Variants in SFMBT2 observed in about 807,000 individuals in gnomAD.
The protein encoded by SFMBT2 is scm-like with four MBT domains protein 2.
Under a neutral mutation model 110.1 loss-of-function variants are expected in SFMBT2, and 38 were observed. The observed-to-expected ratio is 0.35, with a 90% CI of 0.27 to 0.45. SFMBT2 has a LOEUF of 0.45. Ranked by LOEUF, SFMBT2 falls within the 20% of genes least tolerant of loss-of-function variation. The probability of loss-of-function intolerance (pLI) is 1.00; values close to 1 mark genes in which losing one functional copy is unlikely to be tolerated. For synonymous variants in SFMBT2, 425 were observed against 425.4 expected (o/e 1.00, Z 0.01); for missense variants, 1,011 against 1,094.9 (o/e 0.92, Z 1.08).
At chr10:7,383,981 C>T (rs1489562675) in intron 1 of SFMBT2, among the ~76,000 whole-genome samples, 3 of 152,102 alleles carry the variant, frequency 2.0e-5, no homozygotes, top group African/African-American at 7.2e-5. Context: ...GAGGCTGAGG[C>T]AAGCAGATCA....
In SFMBT2 at chr10:7,282,221, T is replaced by A. The variant is rs550907315; in HGVS notation, c.772+1683A>T. Among the ~76,000 whole-genome samples, 8 of 152,266 alleles carry A rather than the reference T, an allele frequency of 5.3e-5. No homozygotes were observed. In the South Asian group the frequency reaches 1.7e-3, roughly 32 times the overall value. On this transcript the variant is annotated intron_variant, in intron 6 of 20. Coordinates refer to ENST00000397167, the MANE Select transcript of SFMBT2 (RefSeq NM_001387889.1). ...CATATATTATAAAGACCCCAAATTA[T>A]CTAAAGAGGGAGACAGCTCATAAGC...
At chr10:7,205,240 C>T (rs1348083752) in intron 12 of SFMBT2, 6 of 239,106 alleles carry the variant, frequency 2.5e-5, no homozygotes. Flanking sequence ...CTCTGCTTGA[C>T]TAATTTACTT....
chr10:7,384,167 C>A (rs558500326), intron 1 of SFMBT2, among the ~76,000 whole-genome samples: 1 of 136,274 alleles, frequency 7.3e-6, no homozygotes, highest in Non-Finnish European at 1.5e-5. Context: ...GCTGAGATCG[C>A]GCCATTGCTC....
intron 4 of SFMBT2, among the ~76,000 whole-genome samples, chr10:7,303,918 T>C (rs935991082): frequency 2.6e-5 from 4 of 152,222 alleles, no homozygotes; most frequent in African/African-American, 9.7e-5. Flanking sequence ...GATTATTTCA[T>C]TGTTCTTTCC....
chr10:7,194,992 C>T (rs565381214), intron 15 of SFMBT2, among the ~76,000 whole-genome samples: 43 of 152,344 alleles, frequency 2.8e-4, no homozygotes, highest in African/African-American at 1.0e-3. Context: ...AACAACGGAA[C>T]ACGTCACGTG....
chr10:7,376,463 G>T (rs1216235998), intron 2 of SFMBT2, among the ~76,000 whole-genome samples: 1 of 151,954 alleles, frequency 6.6e-6, no homozygotes, highest in African/African-American at 2.4e-5. Context: ...ACTTTGGGAG[G>T]CTGAGGTGGG....
Position 7,176,125 on chromosome 10 carries a change from G to A in SFMBT2, c.1849C>T (p.Arg617Trp), listed in dbSNP as rs748945625. The A allele has an allele frequency of 5.0e-6, 8 of 1,614,058 alleles. No homozygotes were observed. The highest frequency in any genetic ancestry group is 2.2e-5 in the East Asian group (1 of 44,902). Residue 617 changes from arginine to tryptophan, a missense_variant, in exon 17 of 21, where the codon CGG (arginine) becomes TGG (tryptophan). Arg to Trp is a moderately radical substitution (Grantham distance 101, BLOSUM62 -3). This residue lies in a region of SFMBT2 where 979 missense variants were observed against 1,016.1 expected (regional missense o/e 0.96). Transcript: ENST00000397167. The stretch of plus-strand genomic sequence containing the variant: ...AAATTTGCGACTTGGTCAGATGTCC[G>A]TACGATTTTGACCACAGCCCTGTAT... ...KTYRAVVKIV[R>W]TSDQVANFCR... is the part of the protein sequence containing the mutation.
intron 15 of SFMBT2, 112 bp from the exon 16 acceptor site, chr10:7,188,845 C>T (rs1838506098): frequency 3.7e-6 from 3 of 813,082 alleles, no homozygotes; most frequent in East Asian, 5.3e-5. Flanking sequence ...GCCACTACAC[C>T]CACATGAAGT....
rs367948121 is a variant in SFMBT2, at chr10:7,384,905, A to G, written c.-51-2956T>C. Among the ~76,000 whole-genome samples the G allele has an allele frequency of 1.5e-4, 23 of 152,318 alleles. No homozygotes were observed. The South Asian group carries it at 2.7e-3, about 18-fold the overall frequency. On this transcript the variant is annotated intron_variant, in intron 1 of 20. Transcript: ENST00000397167. The stretch of plus-strand genomic sequence containing the variant: ...GCGGCCACAGAACTAAACATCACCT[A>G]ACACCGAACTGACCTGCTCACACCT...
At chr10:7,245,132 G>A (rs1248684985) in intron 8 of SFMBT2, among the ~76,000 whole-genome samples, 1 of 151,924 alleles carries the variant, frequency 6.6e-6, no homozygotes, top group South Asian at 2.1e-4. Context: ...GCTACCGGGG[G>A]GCACAGTCCC....
rs922907071 is a variant in SFMBT2, at chr10:7,204,514, G to A, written c.1444+1301C>T. ...TATGCATTAGGGTAGAATAATAAACGCAATGATTTATTAGGTTAGAAGATT... is the reference window on the plus strand; with the variant it reads ...TATGCATTAGGGTAGAATAATAAACACAATGATTTATTAGGTTAGAAGATT... On this transcript the variant is annotated intron_variant, in intron 12 of 20. Transcript: ENST00000397167. 76 of 865,144 alleles carry A rather than the reference G, an allele frequency of 8.8e-5. No homozygotes were observed. In the African/African-American group the frequency reaches 1.4e-3, roughly 16 times the overall value. 53.6% of individuals were successfully genotyped at this position (865,144 alleles called of 1,614,324 possible).
rs1018558470 is a variant in SFMBT2 at position 7,293,658 on chromosome 10, C to T, written c.437-7704G>A. 6.6e-6 allele frequency among the ~76,000 whole-genome samples: 1 copy of T among 152,192 alleles called. No homozygotes were observed. The highest frequency in any genetic ancestry group is 2.4e-5 in the African/African-American group (1 of 41,450). On this transcript the variant is annotated intron_variant, in intron 4 of 20. Transcript: ENST00000397167. This position sits in a 1 kb window ranked among gnomAD's most constrained non-coding sequence, Gnocchi z 4.6. ...ACTGCATAATAAAGAGACCCAAAAA[C>T]ACAGCCACAGAGGTGCAAGCACAGT...
intron 4 of SFMBT2, among the ~76,000 whole-genome samples, chr10:7,328,180 T>C (rs1423564840): frequency 1.3e-5 from 2 of 152,234 alleles, no homozygotes; most frequent in Non-Finnish European, 2.9e-5. Context: ...AGGTGTGTAG[T>C]AATATTGACT....
intron 7 of SFMBT2, among the ~76,000 whole-genome samples, chr10:7,260,457 T>G (rs549054189): frequency 6.6e-6 from 1 of 152,174 alleles, no homozygotes; most frequent in South Asian, 2.1e-4. Context: ...AGCTCCTCCC[T>G]TGTGGGCTCA....
At chr10:7,313,458 C>T (rs1176879976) in intron 4 of SFMBT2, among the ~76,000 whole-genome samples, 4 of 152,138 alleles carry the variant, frequency 2.6e-5, no homozygotes, top group Non-Finnish European at 5.9e-5. Context: ...GCTGGGAGTA[C>T]AGGTGAATGC....
At chr10:7,336,064 T>C (rs1843711266) in intron 4 of SFMBT2, among the ~76,000 whole-genome samples, 1 of 152,246 alleles carries the variant, frequency 6.6e-6, no homozygotes, top group South Asian at 2.1e-4. Flanking sequence ...GTACTTAATA[T>C]TTCCACCCAT....
At chr10:7,184,960 T>G (rs1319267409) in intron 16 of SFMBT2, among the ~76,000 whole-genome samples, 1 of 152,206 alleles carries the variant, frequency 6.6e-6, no homozygotes, top group African/African-American at 2.4e-5. Flanking sequence ...TTTCACTTCA[T>G]TGGTCTCATT....
At chr10:7,263,890 T>A (rs890976486) in intron 7 of SFMBT2, among the ~76,000 whole-genome samples, 1 of 152,212 alleles carries the variant, frequency 6.6e-6, no homozygotes, top group African/African-American at 2.4e-5. Context: ...CTTGGCCACA[T>A]TTAATCTTCT....
intron 11 of SFMBT2, chr10:7,219,517 A>T (rs532116157): frequency 6.5e-6 from 1 of 154,966 alleles, no homozygotes; most frequent in African/African-American, 2.4e-5. Context: ...ATGCATAGTG[A>T]GGAAATAAAA....
Sources: gnomAD v4.1 joint callset for allele counts (sites outside exome capture counted in the v4.1 genomes callset) on GRCh38, gnomAD v4.1.1 for gene constraint, gnomAD v4.1.1 regional missense constraint, Gnocchi (gnomAD v3.1) non-coding constraint, MANE v1.5 for transcripts, NCBI Gene and HGNC (gene_info 2026-07-23, HGNC 2026-07-21) for gene names.